Variants in ANKS4B observed in about 807,000 individuals in gnomAD.
The protein encoded by ANKS4B is ankyrin repeat and sterile alpha motif domain containing 4B, also known as ankyrin repeat and SAM domain-containing protein 4B.
A neutral mutation model predicts 20.2 loss-of-function variants in ANKS4B; 21 were observed. The observed-to-expected ratio is 1.04, with a 90% CI of 0.74 to 1.50. ANKS4B has a LOEUF of 1.50. ANKS4B is among the 40% of genes most tolerant of loss of function. ANKS4B has a pLI of 0.00. For synonymous variants in ANKS4B, 179 were observed against 194.5 expected, an observed-to-expected ratio of 0.92 and a Z score of 0.66; for missense variants, 473 against 494.6, an observed-to-expected ratio of 0.96 and a Z score of 0.41.
intron 1 of ANKS4B, among the ~76,000 whole-genome samples, chr16:21,234,260 G>A (rs1597602157): frequency 6.7e-6 from 1 of 150,038 alleles, no homozygotes; most frequent in Non-Finnish European, 1.5e-5. Flanking sequence ...TTGGTTTTAA[G>A]TTGCCAACCT....
At chr16:21,242,535 C>T (rs548770597) in intron 1 of ANKS4B, among the ~76,000 whole-genome samples, 8 of 152,224 alleles carry the variant, frequency 5.3e-5, no homozygotes, top group East Asian at 3.9e-4. Context: ...ATGTGGTATT[C>T]GTCTTTCTGT....
Position 21,249,855 on chromosome 16 carries a change from G to C in ANKS4B, c.289G>C (p.Asp97His), listed in dbSNP as rs1462496414. The C allele has an allele frequency of 6.2e-7, 1 of 1,614,112 alleles. No individual in the cohort carries two copies. The highest frequency in any genetic ancestry group is 1.7e-5 in the Admixed American group (1 of 60,022). Residue 97 changes from aspartate to histidine, a missense_variant, in exon 2 of 2, where the codon GAC becomes CAC. Transcript: ENST00000311620. ...TGCCAACATCTTTGCCCTGGATAATGACTTACAGACTCCACTGGATGCTGC... is the reference window on the plus strand; with the variant it reads ...TGCCAACATCTTTGCCCTGGATAATCACTTACAGACTCCACTGGATGCTGC... ...FGANIFALDN[D>H]LQTPLDAAAS... is the part of the protein sequence containing the mutation.
rs1176365152 is a variant in ANKS4B, at chr16:21,249,893, G to A, written c.327G>A (p.Glu109=). 1 of 1,614,188 alleles carries A rather than the reference G, an allele frequency of 6.2e-7. No individual in the cohort carries two copies. ...QTPLDAAASR[E]QNECVALLDK... ...CACTGGATGCTGCTGCCAGCAGGGA[G>A]CAGAATGAATGTGTTGCTCTCCTGG... Residue 109 remains glutamate (E), a synonymous_variant, in exon 2 of 2, where the codon GAG becomes GAA. Coordinates refer to ENST00000311620, the MANE Select transcript of ANKS4B (RefSeq NM_145865.3).
At chr16:21,246,880 A>C (rs2093332976) in intron 1 of ANKS4B, among the ~76,000 whole-genome samples, 1 of 152,220 alleles carries the variant, frequency 6.6e-6, no homozygotes, top group African/African-American at 2.4e-5. Flanking sequence ...CACACACCAA[A>C]GAGCCAGGGA....
chr16:21,246,298 G>A (rs984103450), intron 1 of ANKS4B, among the ~76,000 whole-genome samples: 2 of 152,156 alleles, frequency 1.3e-5, no homozygotes. Flanking sequence ...ACAAAGGAAG[G>A]AGAAAGTAAT....
Position 21,247,943 on chromosome 16 carries a change from T to C in ANKS4B, c.165-1788T>C, listed in dbSNP as rs142997537. 3.9e-3 allele frequency among the ~76,000 whole-genome samples: 594 copies of C among 152,308 alleles called. 2 individuals carry two copies. Among genetic ancestry groups the C allele is most frequent in the South Asian group, 8.1e-3 (39 of 4,826 alleles). ...TCATGGAAGTAAGTTGAGGAATAAA[T>C]AGAGATGTAATGCCCTTTTAATGAA... On this transcript the variant is annotated intron_variant, in intron 1 of 1. Transcript: ENST00000311620.
chr16:21,237,566 C>T (rs1164451373), intron 1 of ANKS4B, among the ~76,000 whole-genome samples: 1 of 150,268 alleles, frequency 6.7e-6, no homozygotes, highest in Non-Finnish European at 1.5e-5. Context: ...TGGCTGTGTC[C>T]TCACATGGAG....
At chr16:21,234,676 A>G (rs2093318134) in intron 1 of ANKS4B, among the ~76,000 whole-genome samples, 1 of 152,110 alleles carries the variant, frequency 6.6e-6, no homozygotes, top group Admixed American at 6.5e-5. Flanking sequence ...AGTGAATCCA[A>G]TTGAATACCC....
chr16:21,241,394 A>C (rs58991634), intron 1 of ANKS4B, among the ~76,000 whole-genome samples: 1 of 151,828 alleles, frequency 6.6e-6, no homozygotes, highest in Non-Finnish European at 1.5e-5. Flanking sequence ...TAATGACTTC[A>C]TGGTATTCTG....
chr16:21,241,866 G>A (rs2093326945), intron 1 of ANKS4B, among the ~76,000 whole-genome samples: 1 of 152,026 alleles, frequency 6.6e-6, no homozygotes, highest in Non-Finnish European at 1.5e-5. Flanking sequence ...AAATCTACTT[G>A]GTAGGCAATT....
At chr16:21,234,410 G>A (rs1223078917) in intron 1 of ANKS4B, among the ~76,000 whole-genome samples, 3 of 150,552 alleles carry the variant, frequency 2.0e-5, no homozygotes, top group Non-Finnish European at 4.4e-5. Context: ...TTGCTCTTTT[G>A]AATGGAGTTG....
chr16:21,238,133 G>A (rs2093322418), intron 1 of ANKS4B, among the ~76,000 whole-genome samples: 1 of 152,168 alleles, frequency 6.6e-6, no homozygotes, highest in African/African-American at 2.4e-5. Flanking sequence ...TCAGGCAACT[G>A]CACTCCAGCC....
chr16:21,233,814 A>G lies in ANKS4B; in HGVS notation c.77A>G (p.Asn26Ser). The G allele has an allele frequency of 1.2e-6, 2 of 1,614,022 alleles. No individual in the cohort carries two copies. The highest frequency in any genetic ancestry group is 1.7e-6 in the Non-Finnish European group (2 of 1,179,950). The change falls in exon 1 of 2, where the codon AAT becomes AGT. Residue 26 changes from asparagine to serine, a missense_variant. Transcript: ENST00000311620. ...LLKEATKRDL[N>S]LSDEDGMTPT... ...AAAGAGGCTACCAAGCGAGATCTAA[A>G]TCTTTCGGATGAAGACGGCATGACT...
chr16:21,239,425 C>T (rs1419240103), intron 1 of ANKS4B, among the ~76,000 whole-genome samples: 1 of 151,886 alleles, frequency 6.6e-6, no homozygotes, highest in African/African-American at 2.4e-5. Context: ...AAGAAAAACA[C>T]AAAAAATTAA....
chr16:21,240,295 C>CT (rs201769108), intron 1 of ANKS4B, among the ~76,000 whole-genome samples: 76 of 148,020 alleles, frequency 5.1e-4, no homozygotes, highest in Non-Finnish European at 6.6e-4. Flanking sequence ...CCCCCAGATT[C>CT]TTTTTTTTTT....
At chr16:21,240,685 A>G (rs2093325471) in intron 1 of ANKS4B, among the ~76,000 whole-genome samples, 1 of 152,190 alleles carries the variant, frequency 6.6e-6, no homozygotes, top group African/African-American at 2.4e-5. Flanking sequence ...AGACAATCAT[A>G]TAAACTATAC....
intron 1 of ANKS4B, among the ~76,000 whole-genome samples, chr16:21,246,204 G>T (rs2093332083): frequency 6.6e-6 from 1 of 152,122 alleles, no homozygotes; most frequent in South Asian, 2.1e-4. Context: ...GGTTTTTATT[G>T]GCTGGAATGG....
At chr16:21,240,183 A>C (rs2093324701) in intron 1 of ANKS4B, among the ~76,000 whole-genome samples, 1 of 152,196 alleles carries the variant, frequency 6.6e-6, no homozygotes, top group East Asian at 1.9e-4. Context: ...ATTTTCCTGC[A>C]CTAGGAAGCA....
intron 1 of ANKS4B, among the ~76,000 whole-genome samples, chr16:21,240,572 A>T (rs1220585152): frequency 6.6e-6 from 1 of 152,190 alleles, no homozygotes; most frequent in African/African-American, 2.4e-5. Context: ...TTGATAAAGT[A>T]AAAATTATAC....
Sources: gnomAD v4.1 joint callset for allele counts (sites outside exome capture counted in the v4.1 genomes callset) on GRCh38, gnomAD v4.1.1 for gene constraint, MANE v1.5 for transcripts, NCBI Gene and HGNC (gene_info 2026-07-23, HGNC 2026-07-21) for gene names.